The following VPS13B variants were observed in gnomAD, a reference collection of about 807,000 sequenced individuals.
The protein encoded by VPS13B is intermembrane lipid transfer protein VPS13B.
In VPS13B, 285 loss-of-function variants were observed where a neutral mutation model predicts 426.4. That is an observed-to-expected ratio of 0.67 (90% CI 0.61 to 0.74). The LOEUF (loss-of-function observed/expected upper bound fraction) is 0.74, where lower values mean the gene tolerates loss of function less well. Ranked by LOEUF, VPS13B falls within the 30% of genes least tolerant of loss-of-function variation. VPS13B has a pLI of 0.00. For synonymous variants in VPS13B, 1,676 were observed against 1,676.4 expected (o/e 1.00, Z 0.01); for missense variants, 4,537 against 4,782.6 (o/e 0.95, Z 1.51).
At chr8:99,446,225 T>C (rs1182980591) in intron 23 of VPS13B, among the ~76,000 whole-genome samples, 1 of 152,218 alleles carries the variant, frequency 6.6e-6, no homozygotes, top group Non-Finnish European at 1.5e-5. Context: ...CTCTCAATTT[T>C]GTTTCTTTGC....
At position 99,875,431 on chromosome 8, in the gene VPS13B, G is replaced by A. The variant is rs147907236; in HGVS notation, c.11759G>A (p.Arg3920Gln). The A allele has an allele frequency of 1.4e-4, 225 of 1,614,040 alleles. No individual in the cohort carries two copies. Among genetic ancestry groups the A allele is most frequent in the Non-Finnish European group, 1.8e-4 (218 of 1,180,026 alleles). ...TTTGGATCCTAGGTAGATGGAGTCC[G>A]AGAGAGACTGTCAGAGCAACAGTAC... ...VACDVEVDGV[R>Q]ERLSEQQYNR... is the part of the protein sequence containing the mutation. Residue 3920 changes from arginine to glutamine, a missense_variant, in exon 62 of 62, where the codon CGA becomes CAA. Coordinates refer to ENST00000357162, the MANE Select transcript of VPS13B (RefSeq NM_152564.5).
chr8:99,737,106 C>CTTTTTTTTTTTTTTTTTTTTTTTT (rs386413466), intron 39 of VPS13B, among the ~76,000 whole-genome samples: 1 of 44,374 alleles, frequency 2.3e-5, no homozygotes, highest in African/African-American at 8.1e-5. Context: ...AGATGTCCTT[C>CTTTTTTTTTTTTTTTTTTTTTTTT]TTTTTTTTTT....
intron 19 of VPS13B, among the ~76,000 whole-genome samples, chr8:99,298,187 A>G (rs901637125): frequency 2.6e-5 from 4 of 152,166 alleles, no homozygotes; most frequent in African/African-American, 9.7e-5. Flanking sequence ...TGTCTATATC[A>G]TAATTAATAT....
intron 39 of VPS13B, among the ~76,000 whole-genome samples, chr8:99,754,989 G>A (rs997645428): frequency 2.0e-5 from 3 of 152,072 alleles, no homozygotes; most frequent in African/African-American, 7.2e-5. Flanking sequence ...GAACCAGTTG[G>A]GGTAAACAAT....
chr8:99,871,708 G>C lies in VPS13B; in HGVS notation c.11745+11G>C. ...GCCTGTGATGTGGAGGTACGTTTCA[G>C]AAAACAGGGCAACCAAGACTAGCTG... On this transcript the variant is annotated intron_variant, in intron 61 of 61. Transcript: ENST00000357162. 1 of 1,613,068 alleles carries C rather than the reference G, an allele frequency of 6.2e-7. No homozygotes were observed. Among genetic ancestry groups the C allele is most frequent in the Non-Finnish European group, 8.5e-7 (1 of 1,179,994 alleles).
At chr8:99,782,655 C>T (rs753709986) in intron 42 of VPS13B, among the ~76,000 whole-genome samples, 2 of 151,794 alleles carry the variant, frequency 1.3e-5, no homozygotes, top group Non-Finnish European at 2.9e-5. Flanking sequence ...AGGAGGTCAG[C>T]GTAGTGCTGG....
At chr8:99,283,326 C>T (rs1002908055) in intron 19 of VPS13B, among the ~76,000 whole-genome samples, 4 of 152,190 alleles carry the variant, frequency 2.6e-5, no homozygotes, top group Admixed American at 6.5e-5. Flanking sequence ...TACATTTCCT[C>T]TTTCCTCCCT....
At chr8:99,334,391 T>A (rs1009967437) in intron 19 of VPS13B, among the ~76,000 whole-genome samples, 2 of 152,048 alleles carry the variant, frequency 1.3e-5, no homozygotes, top group African/African-American at 2.4e-5. Flanking sequence ...GACTTGAAGG[T>A]CGAATAGGAG....
chr8:99,395,356 T>C (rs1814672624), intron 21 of VPS13B, among the ~76,000 whole-genome samples: 2 of 152,214 alleles, frequency 1.3e-5, no homozygotes, highest in Non-Finnish European at 2.9e-5. Context: ...CTCACAGGGT[T>C]TGGCAAGGAA....
At chr8:99,123,260 A>G (rs1848039903) in intron 8 of VPS13B, among the ~76,000 whole-genome samples, 2 of 152,204 alleles carry the variant, frequency 1.3e-5, no homozygotes, top group South Asian at 4.1e-4. Context: ...GGAATATTAA[A>G]GCAAAGACCT....
intron 21 of VPS13B, among the ~76,000 whole-genome samples, chr8:99,412,462 G>C (rs1815734760): frequency 6.6e-6 from 1 of 152,186 alleles, no homozygotes; most frequent in African/African-American, 2.4e-5. Flanking sequence ...AGCTTAAGGA[G>C]GTTTTTGGCT....
intron 54 of VPS13B, among the ~76,000 whole-genome samples, chr8:99,838,606 T>C (rs1469241634): frequency 6.6e-6 from 1 of 152,208 alleles, no homozygotes. Context: ...ATGTAAAATA[T>C]ACTGAACAAA....
At chr8:99,223,741 CAT>C (rs2132836218) in intron 17 of VPS13B, among the ~76,000 whole-genome samples, 1 of 152,130 alleles carries the variant, frequency 6.6e-6, no homozygotes, top group African/African-American at 2.4e-5. Context: ...AACGTATTTT[CAT>C]ATGTGTATAA....
chr8:99,564,966 T>G (rs1467409117), intron 31 of VPS13B, among the ~76,000 whole-genome samples: 1 of 152,242 alleles, frequency 6.6e-6, no homozygotes, highest in East Asian at 1.9e-4. Flanking sequence ...TCTGGGTTTA[T>G]TTTATAATCT....
chr8:99,817,473 A>G (rs1814110588), intron 44 of VPS13B, 67 bp from the exon 45 acceptor site: 8 of 1,576,916 alleles, frequency 5.1e-6, no homozygotes, highest in Non-Finnish European at 7.0e-6. Context: ...CTCTGTTTGA[A>G]TGATAACATA....
intron 43 of VPS13B, chr8:99,796,882 G>A (rs1044112367): frequency 1.3e-5 from 2 of 152,242 alleles, no homozygotes; most frequent in African/African-American, 4.8e-5. Context: ...AGGAGAATGA[G>A]AGCAGAGACT....
chr8:99,817,691 T>C lies in VPS13B; in HGVS notation c.8249T>C (p.Ile2750Thr), dbSNP rs1303742573. 1 of 1,614,036 alleles carries C rather than the reference T, an allele frequency of 6.2e-7. No homozygotes were observed. Among genetic ancestry groups the C allele is most frequent in the Non-Finnish European group, 8.5e-7 (1 of 1,179,974 alleles). ...LTAKQKLPSY[I>T]LENNELTELC... ...GCCAAACAGAAATTGCCTTCGTACA[T>C]ACTAGAAAACAATGAACTGACGGAG... The change falls in exon 45 of 62, where the codon ATA (isoleucine) becomes ACA (threonine). Residue 2750 changes from isoleucine to threonine, a missense_variant. Ile to Thr is a moderately conservative substitution (Grantham distance 89). This residue lies in a region of VPS13B where 4,311 missense variants were observed against 4,474.3 expected (regional missense o/e 0.96). Transcript: ENST00000357162.
intron 2 of VPS13B, among the ~76,000 whole-genome samples, chr8:99,022,665 C>A (rs2132157045): frequency 6.6e-6 from 1 of 152,020 alleles, no homozygotes; most frequent in East Asian, 1.9e-4. Flanking sequence ...TATGGATTTT[C>A]ATTGTTTGCT....
intron 35 of VPS13B, among the ~76,000 whole-genome samples, chr8:99,689,511 G>A (rs1831558438): frequency 6.6e-6 from 1 of 152,060 alleles, no homozygotes; most frequent in South Asian, 2.1e-4. Flanking sequence ...GTGATCCAAA[G>A]TCTGAGTCTC....
Sources: allele counts gnomAD v4.1 joint callset (sites outside exome capture counted in the v4.1 genomes callset), GRCh38; gene constraint gnomAD v4.1.1; regional missense constraint gnomAD v4.1.1; transcripts MANE v1.5; gene names NCBI Gene and HGNC (gene_info 2026-07-23, HGNC 2026-07-21).